CYRIA: variants seen among roughly 807,000 people sequenced by gnomAD.
CYRIA encodes the protein CYFIP related Rac1 interactor A, also known as CYFIP-related Rac1 interactor A.
A neutral mutation model predicts 43.9 loss-of-function variants in CYRIA; 15 were observed. That is an observed-to-expected ratio of 0.34 (90% confidence interval 0.23 to 0.53). The LOEUF is 0.53. Ranked by LOEUF, CYRIA falls within the 20% of genes least tolerant of loss-of-function variation. CYRIA has a pLI of 0.94. For synonymous variants in CYRIA, 117 were observed against 136.0 expected, an observed-to-expected ratio of 0.86 and a Z score of 0.97; for missense variants, 236 against 394.2, an observed-to-expected ratio of 0.60 and a Z score of 3.40.
At chr2:16,577,546 T>C (rs1368925559) in intron 3 of CYRIA, among the ~76,000 whole-genome samples, 1 of 152,176 alleles carries the variant, frequency 6.6e-6, no homozygotes, top group Admixed American at 6.5e-5. Flanking sequence ...TCCTAGGAGA[T>C]ATGACACCAC....
rs138782523 is a variant in CYRIA, at chr2:16,562,282, G to A, written c.299-141C>T. The A allele has an allele frequency of 2.2e-3, 2,036 of 913,010 alleles. 7 individuals are homozygous for A. The highest frequency in any genetic ancestry group is 2.8e-3 in the Non-Finnish European group (1,807 of 643,800). 56.6% of individuals were successfully genotyped at this position (913,010 alleles called of 1,614,324 possible). A position where few individuals can be genotyped will look rare whatever the true frequency, so the allele number is the denominator to read the frequency against. On this transcript the variant is annotated intron_variant, in intron 5 of 11. Coordinates refer to ENST00000381323, the MANE Select transcript of CYRIA (RefSeq NM_030797.4). ...GATAACTACGTGAGGTGTGCTGCATGTGGACGAGGAAGAGAAGGAATCCCA... is the reference window on the plus strand; with the variant it reads ...GATAACTACGTGAGGTGTGCTGCATATGGACGAGGAAGAGAAGGAATCCCA...
intron 1 of CYRIA, among the ~76,000 whole-genome samples, chr2:16,652,612 T>C (rs949709629): frequency 6.6e-6 from 1 of 152,322 alleles, no homozygotes; most frequent in South Asian, 2.1e-4. Context: ...AGACTCCCCC[T>C]GCTACCCCCT....
intron 5 of CYRIA, among the ~76,000 whole-genome samples, chr2:16,563,329 C>T (rs1201638010): frequency 1.3e-5 from 2 of 152,154 alleles, no homozygotes; most frequent in African/African-American, 2.4e-5. Flanking sequence ...ACGGTCATTA[C>T]TCCCCCAAGG....
intron 2 of CYRIA, among the ~76,000 whole-genome samples, chr2:16,607,892 C>T (rs1396476864): frequency 6.6e-6 from 1 of 152,140 alleles, no homozygotes; most frequent in Non-Finnish European, 1.5e-5. Flanking sequence ...CCAGAGTGCC[C>T]GGTCCTTGCC....
At chr2:16,631,975 C>T (rs868770775) in intron 1 of CYRIA, among the ~76,000 whole-genome samples, 3 of 152,298 alleles carry the variant, frequency 2.0e-5, no homozygotes, top group Middle Eastern at 6.8e-3. Context: ...TGTCACATGG[C>T]GAACACCCCC....
At chr2:16,652,957 T>TA (rs1670013991) in intron 1 of CYRIA, among the ~76,000 whole-genome samples, 2 of 152,176 alleles carry the variant, frequency 1.3e-5, no homozygotes, top group Admixed American at 6.5e-5. Flanking sequence ...AATGTTTATT[T>TA]AAAAAAATCA....
In CYRIA at chr2:16,623,855, G is replaced by T. The variant is rs1669077288; in HGVS notation, c.-11+9C>A. On this transcript the variant is annotated intron_variant, in intron 2 of 11. Coordinates refer to ENST00000381323, the MANE Select transcript of CYRIA (RefSeq NM_030797.4). The stretch of plus-strand genomic sequence containing the variant: ...CTACACGTTATAACGAAAGTCAATT[G>T]TTTCTTACCTGGAAATATCTCCTGT... 1 of 152,186 alleles carries T rather than the reference G, an allele frequency of 6.6e-6. No homozygotes were observed. Among genetic ancestry groups the T allele is most frequent in the South Asian group, 2.1e-4 (1 of 4,834 alleles). The allele number at this position is 152,186 out of a possible 1,614,324, so 9.4% of individuals were successfully genotyped here.
intron 1 of CYRIA, among the ~76,000 whole-genome samples, chr2:16,634,514 C>A (rs1335502622): frequency 2.0e-5 from 3 of 152,224 alleles, no homozygotes; most frequent in Non-Finnish European, 4.4e-5. Context: ...TTTCTAATTC[C>A]TTCAATGGAA....
At chr2:16,572,081 T>C (rs1238346665) in intron 3 of CYRIA, among the ~76,000 whole-genome samples, 1 of 152,138 alleles carries the variant, frequency 6.6e-6, no homozygotes, top group Non-Finnish European at 1.5e-5. Flanking sequence ...CTGCAGGCTG[T>C]CTATTTTCTT....
intron 3 of CYRIA, among the ~76,000 whole-genome samples, chr2:16,571,818 C>T (rs1667138195): frequency 6.6e-6 from 1 of 152,176 alleles, no homozygotes; most frequent in African/African-American, 2.4e-5. Flanking sequence ...TCTCTTTCCC[C>T]TTCAGGCTAA....
At chr2:16,640,156 G>T (rs1476525178) in intron 1 of CYRIA, among the ~76,000 whole-genome samples, 1 of 152,184 alleles carries the variant, frequency 6.6e-6, no homozygotes, top group Non-Finnish European at 1.5e-5. Context: ...CAAAAAGGGG[G>T]AAAAATCCAC....
At chr2:16,656,081 T>A (rs1670103320) in intron 1 of CYRIA, among the ~76,000 whole-genome samples, 1 of 152,194 alleles carries the variant, frequency 6.6e-6, no homozygotes, top group Admixed American at 6.5e-5. Context: ...CAGAGCCTTG[T>A]CCAGAGAGTG....
intron 4 of CYRIA, 68 bp downstream of exon 4, chr2:16,565,578 T>A (rs995586912): frequency 6.9e-7 from 1 of 1,453,406 alleles, no homozygotes; most frequent in Non-Finnish European, 9.3e-7. Flanking sequence ...GCTGTGTGTG[T>A]CTGTGTGCAT....
chr2:16,630,548 A>G (rs11096684), intron 1 of CYRIA, among the ~76,000 whole-genome samples: 28,596 of 152,116 alleles, frequency 0.19, 3,359 homozygotes, highest in East Asian at 0.49. Flanking sequence ...CAGGGCAGGA[A>G]AACACCTGCC....
At chr2:16,606,373 C>T (rs560541377) in intron 2 of CYRIA, among the ~76,000 whole-genome samples, 51 of 143,542 alleles carry the variant, frequency 3.6e-4, no homozygotes, top group African/African-American at 1.0e-3. Flanking sequence ...TCTTGGGTGT[C>T]CTCCTCCTTT....
intron 1 of CYRIA, among the ~76,000 whole-genome samples, chr2:16,656,862 G>A (rs1670127669): frequency 6.6e-6 from 1 of 152,224 alleles, no homozygotes; most frequent in Admixed American, 6.5e-5. Context: ...GTGAATGGCA[G>A]TCGAGTCACC....
At chr2:16,553,255 T>C (rs1471835725) in intron 11 of CYRIA, among the ~76,000 whole-genome samples, 1 of 152,124 alleles carries the variant, frequency 6.6e-6, no homozygotes, top group Non-Finnish European at 1.5e-5. Flanking sequence ...GCGGTCTCAT[T>C]TTCTAGGGAG....
At chr2:16,576,363 C>A (rs1453297813) in intron 3 of CYRIA, among the ~76,000 whole-genome samples, 1 of 152,160 alleles carries the variant, frequency 6.6e-6, no homozygotes, top group East Asian at 1.9e-4. Flanking sequence ...TAATAAAAGT[C>A]ATCATGCAGT....
At chr2:16,632,715 T>C (rs906867284) in intron 1 of CYRIA, among the ~76,000 whole-genome samples, 2 of 152,086 alleles carry the variant, frequency 1.3e-5, no homozygotes, top group African/African-American at 4.8e-5. Flanking sequence ...TGAGGAATGA[T>C]TGAGAATGCA....
Sources: gnomAD v4.1 joint callset for allele counts (sites outside exome capture counted in the v4.1 genomes callset) on GRCh38, gnomAD v4.1.1 for gene constraint, MANE v1.5 for transcripts, NCBI Gene and HGNC (gene_info 2026-07-23, HGNC 2026-07-21) for gene names.